The following CCDC7 variants were observed in gnomAD, a reference collection of about 807,000 sequenced individuals.
CCDC7 encodes the protein coiled-coil domain containing 7, also known as coiled-coil domain-containing protein 7.
A neutral mutation model predicts 196.9 loss-of-function variants in CCDC7; 183 were observed. The observed-to-expected ratio is 0.93, with a 90% CI of 0.82 to 1.05. The LOEUF (loss-of-function observed/expected upper bound fraction) is 1.05, where lower values mean the gene tolerates loss of function less well. CCDC7 is among the 50% of genes least tolerant of loss of function. The pLI, the probability that CCDC7 is intolerant of heterozygous loss-of-function variation, is 0.00. For synonymous variants in CCDC7, 525 were observed against 484.6 expected, an observed-to-expected ratio of 1.08 and a Z score of -1.10; for missense variants, 1,540 against 1,482.2, an observed-to-expected ratio of 1.04 and a Z score of -0.64.
intron 14 of CCDC7, among the ~76,000 whole-genome samples, 176 bp downstream of exon 15, chr10:32,565,796 T>C (rs551440634): frequency 6.6e-6 from 1 of 152,280 alleles, no homozygotes; most frequent in South Asian, 2.1e-4. Flanking sequence ...AAATTTAATA[T>C]TCATTCTTAT....
intron 13 of CCDC7, among the ~76,000 whole-genome samples, chr10:32,544,670 A>G (rs11815157): frequency 0.11 from 15,980 of 152,186 alleles, 1,041 homozygotes; most frequent in South Asian, 0.25. Context: ...TTGAATTTCA[A>G]ATTTTTCAAA....
At chr10:32,830,167 A>C in intron 32 of CCDC7, among the ~76,000 whole-genome samples, 1 of 57,432 alleles carries the variant, frequency 1.7e-5, no homozygotes, top group South Asian at 7.5e-4. Context: ...CCTCTAGAGA[A>C]CCCTAATACA....
At chr10:32,878,741 G>A (rs1013957683), downstream of CCDC7, among the ~76,000 whole-genome samples, 8 of 152,108 alleles carry the variant, frequency 5.3e-5, no homozygotes, top group African/African-American at 1.9e-4. Context: ...CAACTTGCTG[G>A]AGATCATATG....
intron 30 of CCDC7, among the ~76,000 whole-genome samples, chr10:32,811,323 C>T (rs996798946): frequency 9.2e-5 from 14 of 151,856 alleles, no homozygotes; most frequent in African/African-American, 3.4e-4. Context: ...GGAGATAGAA[C>T]TGATACCACA....
chr10:32,644,855 G>T (rs961802474), intron 20 of CCDC7, among the ~76,000 whole-genome samples: 10 of 152,120 alleles, frequency 6.6e-5, no homozygotes, highest in African/African-American at 1.2e-4. Context: ...TTTGTAAATT[G>T]CCCAGTTACA....
intron 28 of CCDC7, among the ~76,000 whole-genome samples, chr10:32,767,857 CTTCAGA>C (rs2078571422): frequency 6.6e-6 from 1 of 152,062 alleles, no homozygotes; most frequent in Admixed American, 6.6e-5. Flanking sequence ...GCTGAATGAT[CTTCAGA>C]TAACATAGAG....
intron 8 of CCDC7, among the ~76,000 whole-genome samples, chr10:32,486,081 A>G (rs1431793725): frequency 2.0e-5 from 3 of 152,256 alleles, no homozygotes; most frequent in East Asian, 3.9e-4. Flanking sequence ...TGATCTGTCT[A>G]ATGTTGACAG....
At chr10:32,602,844 G>A (rs550600875) in intron 18 of CCDC7, among the ~76,000 whole-genome samples, 10 of 152,088 alleles carry the variant, frequency 6.6e-5, no homozygotes, top group South Asian at 2.1e-4. Context: ...CATAATATTT[G>A]TACATACTTA....
rs17296170 is a variant in CCDC7 at position 32,569,922 on chromosome 10, A to G, written c.1420-1937A>G. On this transcript the variant is annotated intron_variant, in intron 15 of 41. Coordinates refer to ENST00000639629, the Ensembl canonical transcript of CCDC7. ...TCTTTTGTCTCCTCTTGCTCTGCTC[A>G]TTCTTTAAATGTTAGTAGTTCTCTG... 7.9e-3 allele frequency among the ~76,000 whole-genome samples: 1,209 copies of G among 152,090 alleles called. 7 individuals are homozygous for G. The highest frequency in any genetic ancestry group is 0.02 in the Middle Eastern group (6 of 294).
chr10:32,834,756 C>T (rs538732481), intron 32 of CCDC7, 59 bp from the exon 34 acceptor site: 22 of 713,320 alleles, frequency 3.1e-5, no homozygotes, highest in East Asian at 1.7e-4. Context: ...ACACACAGCA[C>T]GGACATATGT....
intron 32 of CCDC7, among the ~76,000 whole-genome samples, chr10:32,825,941 C>A (rs2091045036): frequency 6.6e-6 from 1 of 152,152 alleles, no homozygotes; most frequent in Non-Finnish European, 1.5e-5. Flanking sequence ...AATTTGTAAA[C>A]TCTGATGAAT....
At chr10:32,539,448 CTT>C (rs2051044366) in intron 11 of CCDC7, among the ~76,000 whole-genome samples, 1 of 151,758 alleles carries the variant, frequency 6.6e-6, no homozygotes, top group South Asian at 2.1e-4. Flanking sequence ...AGTGGTCTAT[CTT>C]ATTATTTTTT....
At chr10:32,528,281 G>T (rs2048979574) in intron 11 of CCDC7, among the ~76,000 whole-genome samples, 1 of 151,502 alleles carries the variant, frequency 6.6e-6, no homozygotes, top group Non-Finnish European at 1.5e-5. Context: ...ATTGTAATAG[G>T]TTTTTGGGGA....
chr10:32,538,264 A>G (rs938310623), intron 11 of CCDC7, among the ~76,000 whole-genome samples: 2 of 152,040 alleles, frequency 1.3e-5, no homozygotes, highest in East Asian at 3.8e-4. Flanking sequence ...TGAGAATGGG[A>G]TTGTATTCCT....
At chr10:32,737,430 G>C (rs1016844141) in intron 28 of CCDC7, among the ~76,000 whole-genome samples, 1 of 152,098 alleles carries the variant, frequency 6.6e-6, no homozygotes, top group Non-Finnish European at 1.5e-5. Flanking sequence ...GTTAAGGTTT[G>C]TCTTATAGCC....
intron 13 of CCDC7, among the ~76,000 whole-genome samples, chr10:32,559,354 C>T (rs561625834): frequency 3.7e-4 from 57 of 152,336 alleles, no homozygotes; most frequent in Middle Eastern, 3.4e-3. Context: ...GATCTGAGAA[C>T]GGACAGACTG....
At chr10:32,627,034 GT>G (rs34388762) in intron 18 of CCDC7, among the ~76,000 whole-genome samples, 113,463 of 145,862 alleles carry the variant, frequency 0.78, 44,345 homozygotes, top group Admixed American at 0.84. Context: ...GGCTATTCAG[GT>G]TTTTTTTTTT....
intron 8 of CCDC7, among the ~76,000 whole-genome samples, chr10:32,480,798 C>T (rs2039829361): frequency 6.6e-6 from 1 of 152,106 alleles, no homozygotes; most frequent in Non-Finnish European, 1.5e-5. Context: ...ATTCCATTTG[C>T]ACTTGAGAAA....
At chr10:32,874,762 A>C (rs1016296503) in intron 41 of CCDC7, among the ~76,000 whole-genome samples, 4 of 149,542 alleles carry the variant, frequency 2.7e-5, no homozygotes, top group African/African-American at 9.9e-5. Flanking sequence ...CTACACACAC[A>C]CACACACACA....
Sources: gnomAD v4.1 joint callset for allele counts (sites outside exome capture counted in the v4.1 genomes callset) on GRCh38, gnomAD v4.1.1 for gene constraint, MANE v1.5 for transcripts, NCBI Gene and HGNC (gene_info 2026-07-23, HGNC 2026-07-21) for gene names.